The following PARD3 variants were observed in gnomAD, a reference collection of about 807,000 sequenced individuals.
PARD3 encodes partitioning defective 3 homolog.
A neutral mutation model predicts 155.4 loss-of-function variants in PARD3; 75 were observed. That is an observed-to-expected ratio of 0.48 (90% CI 0.40 to 0.58). PARD3 has a LOEUF of 0.58. Ranked by LOEUF, PARD3 falls within the 20% of genes least tolerant of loss-of-function variation. PARD3 has a pLI of 0.00. For synonymous variants in PARD3, 576 were observed against 610.5 expected (o/e 0.94, Z 0.83); for missense variants, 1,642 against 1,721.7 (o/e 0.95, Z 0.82).
intron 1 of PARD3, among the ~76,000 whole-genome samples, chr10:34,706,106 C>T (rs10827394): frequency 0.25 from 38,251 of 152,032 alleles, 6,271 homozygotes; most frequent in East Asian, 0.51. Flanking sequence ...CAGGACACAG[C>T]CAAGGCAAGA....
rs183539516 is a variant in PARD3, at chr10:34,384,167, C to T, written c.978G>A (p.Arg326=). 148 of 1,613,812 alleles carry T rather than the reference C, an allele frequency of 9.2e-5. 1 individual carries two copies. In the South Asian group the frequency reaches 1.3e-3, roughly 14 times the overall value. Residue 326 remains arginine, a synonymous_variant, in exon 8 of 25, where the codon AGG becomes AGA. Transcript: ENST00000374788. ...TATTTCGAAGGTCGCCATCATTAAT[C>T]CTGACAATGCAATCATTCTCACGAA... ...NLFRENDCIV[R]INDGDLRNRR...
chr10:34,345,008 A>T, intron 15 of PARD3: 1 of 985,286 alleles, frequency 1.0e-6, no homozygotes, highest in Non-Finnish European at 1.2e-6. Flanking sequence ...TTTAGTCACC[A>T]TGGGTGCCAG....
chr10:34,422,375 T>C (rs1037801627), intron 5 of PARD3, among the ~76,000 whole-genome samples: 4 of 152,078 alleles, frequency 2.6e-5, no homozygotes, highest in Non-Finnish European at 2.9e-5. Context: ...CTAGTTCTTG[T>C]CAGATATGAA....
At chr10:34,787,021 T>G (rs141574700) in intron 1 of PARD3, among the ~76,000 whole-genome samples, 1 of 152,206 alleles carries the variant, frequency 6.6e-6, no homozygotes, top group Non-Finnish European at 1.5e-5. Context: ...AACTGCTAGA[T>G]CTTTTACATC....
intron 2 of PARD3, among the ~76,000 whole-genome samples, chr10:34,554,003 T>C (rs1173774520): frequency 1.3e-5 from 2 of 152,234 alleles, no homozygotes; most frequent in Non-Finnish European, 2.9e-5. Context: ...AAATTTACTG[T>C]GGATGTGCTT....
chr10:34,223,252 C>T (rs1265932419), intron 22 of PARD3, among the ~76,000 whole-genome samples: 3 of 151,984 alleles, frequency 2.0e-5, no homozygotes, highest in Non-Finnish European at 2.9e-5. Flanking sequence ...GCCCAGATTC[C>T]GCCAAAATGC....
At chr10:34,210,235 G>C (rs907160594) in intron 22 of PARD3, among the ~76,000 whole-genome samples, 12 of 152,142 alleles carry the variant, frequency 7.9e-5, no homozygotes, top group Admixed American at 7.9e-4. Context: ...ATGTATGTAT[G>C]TGTGTGTGTA....
chr10:34,700,210 G>T (rs964281666), intron 1 of PARD3, among the ~76,000 whole-genome samples: 2 of 152,260 alleles, frequency 1.3e-5, no homozygotes, highest in East Asian at 3.9e-4. Flanking sequence ...GAAACCTGGA[G>T]ACAAAACCAC....
At chr10:34,399,199 G>A in intron 7 of PARD3, 131 bp downstream of exon 7, 1 of 678,212 alleles carries the variant, frequency 1.5e-6, no homozygotes, top group South Asian at 1.7e-5. Context: ...AGGAATGAAG[G>A]AGCAGTTGCC....
chr10:34,546,345 G>A (rs1012400036), intron 2 of PARD3, among the ~76,000 whole-genome samples: 11 of 151,920 alleles, frequency 7.2e-5, no homozygotes, highest in African/African-American at 2.4e-4. Flanking sequence ...GTGAAACCCC[G>A]CCTCTACTAA....
At position 34,382,584 on chromosome 10, in the gene PARD3, T is replaced by C. The variant is rs543918966; in HGVS notation, c.1355A>G (p.Asn452Ser). The change falls in exon 9 of 25, where the codon AAC becomes AGC. Residue 452 changes from asparagine to serine, a missense_variant. By Grantham distance (46) the Asn-to-Ser change is conservative (BLOSUM62 1). This residue lies in a region of PARD3 where 1,529 missense variants were observed against 1,587.3 expected (regional missense o/e 0.96). Transcript: ENST00000374788. ...AAGCCTCTTGCCTATTTTTTTGGTG[T>C]TATAACCACTGCTTACAGTCGTACT... ...VFSTTVSSGY[N>S]TKKIGKRLNI... is the part of the protein sequence containing the mutation. 1.9e-6 allele frequency: 3 copies of C among 1,613,780 alleles called. No individual in the cohort carries two copies. The highest frequency in any genetic ancestry group is 2.5e-6 in the Non-Finnish European group (3 of 1,179,994).
intron 5 of PARD3, among the ~76,000 whole-genome samples, chr10:34,443,627 C>A (rs1043513539): frequency 6.6e-6 from 1 of 152,064 alleles, no homozygotes; most frequent in African/African-American, 2.4e-5. Context: ...ATGAGAACAG[C>A]ATGGGAAAGA....
At chr10:34,587,918 G>C (rs1371670949) in intron 2 of PARD3, among the ~76,000 whole-genome samples, 1 of 152,056 alleles carries the variant, frequency 6.6e-6, no homozygotes, top group East Asian at 1.9e-4. Flanking sequence ...CTCACACAGG[G>C]GCCACAATAG....
intron 14 of PARD3, among the ~76,000 whole-genome samples, chr10:34,355,068 G>A (rs1335612331): frequency 6.6e-6 from 1 of 152,180 alleles, no homozygotes; most frequent in Non-Finnish European, 1.5e-5. Context: ...AGGCGCAGTG[G>A]CTCACAGGCG....
At chr10:34,414,683 AATCT>A (rs1217010196) in intron 5 of PARD3, among the ~76,000 whole-genome samples, 1 of 151,998 alleles carries the variant, frequency 6.6e-6, no homozygotes, top group African/African-American at 2.4e-5. Flanking sequence ...AAAAATAAAC[AATCT>A]ATTATATATT....
chr10:34,288,985 AGGGT>A (rs2133958109), intron 20 of PARD3, among the ~76,000 whole-genome samples: 1 of 152,296 alleles, frequency 6.6e-6, no homozygotes, highest in South Asian at 2.1e-4. Context: ...TTTTGGAGAC[AGGGT>A]CTCACTCTGT....
intron 1 of PARD3, among the ~76,000 whole-genome samples, chr10:34,761,738 TTA>T (rs1837464118): frequency 6.6e-6 from 1 of 152,140 alleles, no homozygotes; most frequent in African/African-American, 2.4e-5. Flanking sequence ...TTGTAGTATT[TTA>T]TGTTCTGCAG....
At chr10:34,407,227 TCTAA>T (rs2132261019) in intron 5 of PARD3, among the ~76,000 whole-genome samples, 1 of 152,270 alleles carries the variant, frequency 6.6e-6, no homozygotes, top group South Asian at 2.1e-4. Context: ...GCTTCTCCGG[TCTAA>T]CTAACATGCA....
chr10:34,603,254 C>T (rs1337325505), intron 2 of PARD3, among the ~76,000 whole-genome samples: 3 of 152,168 alleles, frequency 2.0e-5, no homozygotes, highest in Non-Finnish European at 2.9e-5. Context: ...ATCAGAACCA[C>T]CTGCCTGGTG....
Sources: gnomAD v4.1 joint callset for allele counts (sites outside exome capture counted in the v4.1 genomes callset) on GRCh38, gnomAD v4.1.1 for gene constraint, gnomAD v4.1.1 regional missense constraint, MANE v1.5 for transcripts, NCBI Gene and HGNC (gene_info 2026-07-23, HGNC 2026-07-21) for gene names.